The following ZNRF2 variants were observed in gnomAD, a reference collection of about 807,000 sequenced individuals.
The protein encoded by ZNRF2 is E3 ubiquitin-protein ligase ZNRF2.
A neutral mutation model predicts 20.4 loss-of-function variants in ZNRF2; 16 were observed. The ratio of observed to expected loss-of-function variants is 0.79; its 90% CI spans 0.53 to 1.19. The LOEUF (loss-of-function observed/expected upper bound fraction) is 1.19. Among genes scored for constraint, ZNRF2 ranks in the 50% most tolerant of loss-of-function variants. ZNRF2 has a pLI of 0.00. For synonymous variants in ZNRF2, 178 were observed against 144.9 expected, an observed-to-expected ratio of 1.23 and a Z score of -1.64; for missense variants, 363 against 332.4, an observed-to-expected ratio of 1.09 and a Z score of -0.72.
intron 1 of ZNRF2, among the ~76,000 whole-genome samples, chr7:30,318,639 G>A (rs1799414952): frequency 6.6e-6 from 1 of 152,184 alleles, no homozygotes; most frequent in Non-Finnish European, 1.5e-5. Context: ...AGGAAACAAT[G>A]TACAAATACT....
chr7:30,306,731 C>A (rs980459644), intron 1 of ZNRF2, among the ~76,000 whole-genome samples: 3 of 152,094 alleles, frequency 2.0e-5, no homozygotes, highest in Admixed American at 1.3e-4. Context: ...CATTGACTTG[C>A]CTGTCGACCG....
chr7:30,335,022 G>A (rs938243706), intron 2 of ZNRF2, among the ~76,000 whole-genome samples: 2 of 136,366 alleles, frequency 1.5e-5, no homozygotes, highest in Non-Finnish European at 3.0e-5. Context: ...TAAAAGAAAT[G>A]CATAGAAGAG....
intron 1 of ZNRF2, among the ~76,000 whole-genome samples, chr7:30,291,000 A>G (rs1798896975): frequency 6.6e-6 from 1 of 152,198 alleles, no homozygotes; most frequent in African/African-American, 2.4e-5. Flanking sequence ...TCTGTAATAG[A>G]ACTGTTAACA....
intron 1 of ZNRF2, among the ~76,000 whole-genome samples, chr7:30,318,994 C>A (rs1319744495): frequency 1.3e-5 from 2 of 152,038 alleles, no homozygotes; most frequent in Non-Finnish European, 2.9e-5. Flanking sequence ...TGCCTGTAAT[C>A]CCAGCTACTC....
chr7:30,334,715 T>C (rs1020794856), intron 2 of ZNRF2, among the ~76,000 whole-genome samples: 1 of 152,160 alleles, frequency 6.6e-6, no homozygotes, highest in African/African-American at 2.4e-5. Flanking sequence ...TGTAAGGGTG[T>C]AGGGAGTGGG....
At chr7:30,352,277 G>A (rs917344102) in intron 2 of ZNRF2, among the ~76,000 whole-genome samples, 1 of 151,904 alleles carries the variant, frequency 6.6e-6, no homozygotes, top group African/African-American at 2.4e-5. Context: ...GATAGCAGTC[G>A]CATTTGTGAG....
intron 2 of ZNRF2, among the ~76,000 whole-genome samples, chr7:30,340,946 GCTT>G (rs1183050075): frequency 6.6e-6 from 1 of 152,034 alleles, no homozygotes; most frequent in Non-Finnish European, 1.5e-5. Context: ...CAGGGATTCT[GCTT>G]CTTCCTGGTT....
chr7:30,300,148 CTTTT>C (rs11312967), intron 1 of ZNRF2, among the ~76,000 whole-genome samples: 3 of 113,012 alleles, frequency 2.7e-5, no homozygotes, highest in South Asian at 2.9e-4. Flanking sequence ...GAATACAAGT[CTTTT>C]TTTTTTTTTT....
chr7:30,319,019 A>G (rs1583579110), intron 1 of ZNRF2, among the ~76,000 whole-genome samples: 1 of 151,976 alleles, frequency 6.6e-6, no homozygotes, highest in South Asian at 2.1e-4. Flanking sequence ...GGCTGAGGCA[A>G]GAGAATCACT....
intron 2 of ZNRF2, among the ~76,000 whole-genome samples, chr7:30,341,639 A>G (rs1161817432): frequency 2.6e-5 from 4 of 152,104 alleles, no homozygotes; most frequent in Non-Finnish European, 4.4e-5. Flanking sequence ...TTTACTTCCA[A>G]TTATGTGGTC....
At chr7:30,333,204 C>T (rs1303764492) in intron 2 of ZNRF2, among the ~76,000 whole-genome samples, 2 of 151,738 alleles carry the variant, frequency 1.3e-5, no homozygotes, top group Non-Finnish European at 2.9e-5. Context: ...CAGGCGCCTG[C>T]CACCACACTC....
At chr7:30,360,907 C>G (rs1317232897) in intron 3 of ZNRF2, among the ~76,000 whole-genome samples, 1 of 151,830 alleles carries the variant, frequency 6.6e-6, no homozygotes, top group Non-Finnish European at 1.5e-5. Context: ...TGAAAAATAC[C>G]AAATTGAGAA....
chr7:30,291,941 G>A (rs547252004), intron 1 of ZNRF2, among the ~76,000 whole-genome samples: 47 of 152,076 alleles, frequency 3.1e-4, no homozygotes, highest in African/African-American at 1.1e-3. Flanking sequence ...TAAAAACCTG[G>A]GTTTTTTTTT....
At chr7:30,345,087 T>C (rs1357208728) in intron 2 of ZNRF2, among the ~76,000 whole-genome samples, 1 of 152,168 alleles carries the variant, frequency 6.6e-6, no homozygotes, top group African/African-American at 2.4e-5. Context: ...TAGGACTTGG[T>C]GTGCCCTTTC....
At position 30,327,107 on chromosome 7, in the gene ZNRF2, C is replaced by T. The variant is rs573043315; in HGVS notation, c.565+3370C>T. Among the ~76,000 whole-genome samples, 4 of 152,226 alleles carry T rather than the reference C, an allele frequency of 2.6e-5. No individual in the cohort carries two copies. The East Asian group carries it at 7.7e-4, about 29-fold the overall frequency. The stretch of plus-strand genomic sequence containing the variant: ...TGTCTGTTCACTTTGTTGATAGTTT[C>T]CTTTGCTGTGCAGAAGCTCTTTAGT... On this transcript the variant is annotated intron_variant, in intron 2 of 4. Transcript: ENST00000323037.
chr7:30,349,907 G>A (rs1799938122), intron 2 of ZNRF2, among the ~76,000 whole-genome samples: 1 of 151,992 alleles, frequency 6.6e-6, no homozygotes, highest in South Asian at 2.1e-4. Context: ...TAACAAATCA[G>A]TGTAATTGAT....
intron 1 of ZNRF2, among the ~76,000 whole-genome samples, chr7:30,316,383 G>T (rs1799377932): frequency 6.7e-6 from 1 of 149,396 alleles, no homozygotes; most frequent in South Asian, 2.1e-4. Context: ...TGAATATATG[G>T]TCCTGATGTG....
intron 1 of ZNRF2, among the ~76,000 whole-genome samples, chr7:30,295,044 AGAGAGAGTGTGTGTGT>A (rs1426845262): frequency 3.6e-4 from 40 of 111,848 alleles, no homozygotes; most frequent in Middle Eastern, 4.5e-3. Context: ...AGAGAGAGAG[AGAGAGAGTGTGTGTGT>A]GTGTGTGTGT....
chr7:30,303,146 GGTA>G (rs905159785), intron 1 of ZNRF2, among the ~76,000 whole-genome samples: 11 of 151,910 alleles, frequency 7.2e-5, no homozygotes, highest in Non-Finnish European at 1.6e-4. Flanking sequence ...ATCCGGGCGT[GGTA>G]GTGCGCACCT....
Sources: gnomAD v4.1 joint callset for allele counts (sites outside exome capture counted in the v4.1 genomes callset) on GRCh38, gnomAD v4.1.1 for gene constraint, MANE v1.5 for transcripts, NCBI Gene and HGNC (gene_info 2026-07-23, HGNC 2026-07-21) for gene names.